Variants in CBLC observed in about 807,000 individuals in gnomAD.
CBLC encodes the protein E3 ubiquitin-protein ligase CBL-C.
CBLC carries 46 observed loss-of-function variants against 58.6 expected under a neutral mutation model. The ratio of observed to expected loss-of-function variants is 0.79; its 90% CI spans 0.62 to 1.00. The LOEUF is 1.00. CBLC is among the 50% of genes least tolerant of loss of function. The probability of loss-of-function intolerance (pLI) is 0.00; values close to 1 mark genes in which losing one functional copy is unlikely to be tolerated. For synonymous variants in CBLC, 271 were observed against 264.2 expected (o/e 1.03, Z -0.25); for missense variants, 655 against 625.8 (o/e 1.05, Z -0.50).
chr19:44,778,310 C>T, intron 1 of CBLC, 26 bp downstream of exon 1: 5 of 1,405,044 alleles, frequency 3.6e-6, no homozygotes, highest in Non-Finnish European at 4.6e-6. Context: ...AGAACAAAGT[C>T]CTCTGGGGTG....
chr19:44,792,366 A>C lies in CBLC; in HGVS notation c.1006-17A>C. 1.9e-6 allele frequency: 3 copies of C among 1,612,572 alleles called. No individual in the cohort carries two copies. The highest frequency in any genetic ancestry group is 2.5e-6 in the Non-Finnish European group (3 of 1,179,750). ...ACGCATGCCCCTCGCTGTCTTCTCT[A>C]TCCTCTCACCTGCCAGGAGCAGCTG... On this transcript the variant is annotated splice_polypyrimidine_tract_variant and intron_variant, in intron 6 of 10. Transcript: ENST00000647358.
chr19:44,785,579 G>T (rs1353124068), intron 5 of CBLC, among the ~76,000 whole-genome samples: 1 of 151,990 alleles, frequency 6.6e-6, no homozygotes, highest in Non-Finnish European at 1.5e-5. Context: ...TAGATAGGCA[G>T]ATAGGTAGAT....
chr19:44,782,754 T>A (rs1967784090), intron 4 of CBLC, among the ~76,000 whole-genome samples: 1 of 152,118 alleles, frequency 6.6e-6, no homozygotes, highest in Non-Finnish European at 1.5e-5. Flanking sequence ...CGCTTGAGGG[T>A]AAGGTCCGTT....
intron 5 of CBLC, 63 bp downstream of exon 5, chr19:44,784,464 T>C: frequency 1.4e-6 from 2 of 1,474,214 alleles, no homozygotes; most frequent in South Asian, 2.6e-5. Flanking sequence ...ATCTTGCATG[T>C]TGTGCACTGC....
rs1968079066 is a variant in CBLC at position 44,792,456 on chromosome 19, A to T, written c.1079A>T (p.Asp360Val). The change falls in exon 7 of 11, where the codon GAT becomes GTT. Residue 360 changes from aspartate (D) to valine (V), a missense_variant. Around this residue, in one of 3 missense-constraint regions of CBLC, gnomAD observed 371 missense variants for 370.8 expected, o/e 1.00. Coordinates refer to ENST00000647358, the MANE Select transcript of CBLC (RefSeq NM_012116.4). ...LCKICAESNK[D>V]VKIEPCGHLL... ...AAGATCTGTGCTGAGAGCAACAAGG[A>T]TGTGAAGATTGAGCCGTGCGGGCAC... The T allele has an allele frequency of 1.2e-6, 2 of 1,613,010 alleles. No individual in the cohort carries two copies. Among genetic ancestry groups the T allele is most frequent in the African/African-American group, 1.3e-5 (1 of 74,858 alleles).
At chr19:44,794,820 T>A (rs1259662930) in intron 9 of CBLC, among the ~76,000 whole-genome samples, 1 of 152,012 alleles carries the variant, frequency 6.6e-6, no homozygotes, top group African/African-American at 2.4e-5. Context: ...TCGGGGCCTT[T>A]GCATAAGCTG....
At chr19:44,785,535 GATA>G (rs1473299403) in intron 5 of CBLC, among the ~76,000 whole-genome samples, 38 of 14,536 alleles carry the variant, frequency 2.6e-3, no homozygotes, top group African/African-American at 0.011. Context: ...CAGATAGGTA[GATA>G]GATAGATAGA....
intron 9 of CBLC, among the ~76,000 whole-genome samples, chr19:44,795,497 A>C (rs1968159923): frequency 6.6e-6 from 1 of 151,946 alleles, no homozygotes; most frequent in Non-Finnish European, 1.5e-5. Context: ...AGCCTGGGCA[A>C]CAGAATGAGA....
chr19:44,800,296 TA>T, intron 9 of CBLC, 84 bp from the exon 10 acceptor site: 1 of 989,658 alleles, frequency 1.0e-6, no homozygotes, highest in Non-Finnish European at 1.6e-6. Flanking sequence ...CTCCCAGGTC[TA>T]AGACAAAGGG....
intron 3 of CBLC, 97 bp downstream of exon 3, chr19:44,781,460 C>T: frequency 8.5e-7 from 1 of 1,179,478 alleles, no homozygotes; most frequent in Non-Finnish European, 1.2e-6. Context: ...AGGGCCGGGA[C>T]CTGGACTCCT....
chr19:44,782,411 C>A lies in CBLC; in HGVS notation c.699C>A (p.Val233=). ...TCAAGAACTGGCAGCTCCTGGCAGT[C>A]AACCACCCAGGCTACATGGCCTTCC... is the stretch of plus-strand genomic sequence containing the variant. The part of the protein sequence containing the change: ...TLLKNWQLLA[V]NHPGYMAFLT... The change falls in exon 4 of 11, where the codon GTC becomes GTA. Residue 233 remains valine, a synonymous_variant. Transcript: ENST00000647358. 6.2e-7 allele frequency: 1 copy of A among 1,613,724 alleles called. No individual in the cohort carries two copies. The highest frequency in any genetic ancestry group is 1.1e-5 in the South Asian group (1 of 91,062).
intron 5 of CBLC, among the ~76,000 whole-genome samples, chr19:44,785,024 T>G (rs991373177): frequency 7.7e-6 from 1 of 129,908 alleles, no homozygotes; most frequent in African/African-American, 2.9e-5. Flanking sequence ...CTGACTGGAG[T>G]GCAATGGCAT....
rs773422704 is a variant in CBLC, at chr19:44,794,250, C to A, written c.1331C>A (p.Pro444His). 1.2e-6 allele frequency: 2 copies of A among 1,612,990 alleles called. No individual in the cohort carries two copies. Among genetic ancestry groups the A allele is most frequent in the South Asian group, 1.1e-5 (1 of 90,966 alleles). ...TTGCCCCCACGGCCAGATCTGCCCC[C>A]CAGGAAGCCCAGAAATGCCCAGCCG... ...PPLPPRPDLP[P>H]RKPRNAQPKV... Residue 444 changes from proline (P) to histidine (H), a missense_variant, in exon 9 of 11, where the codon CCC becomes CAC. Transcript: ENST00000647358.
At chr19:44,778,934 C>T (rs992974452) in intron 1 of CBLC, among the ~76,000 whole-genome samples, 10 of 152,088 alleles carry the variant, frequency 6.6e-5, no homozygotes, top group Non-Finnish European at 1.5e-4. Flanking sequence ...GCCCCTCCTT[C>T]CTAAGGGAAC....
chr19:44,783,732 C>A (rs1967810547), intron 4 of CBLC, among the ~76,000 whole-genome samples: 1 of 152,146 alleles, frequency 6.6e-6, no homozygotes, highest in Admixed American at 6.6e-5. Context: ...GTTTCAGGCA[C>A]AGCTAGATCC....
At chr19:44,786,964 A>G (rs1269981156) in intron 5 of CBLC, among the ~76,000 whole-genome samples, 2 of 152,022 alleles carry the variant, frequency 1.3e-5, no homozygotes, top group Non-Finnish European at 2.9e-5. Context: ...GTGTATGCCT[A>G]TAATCCCAGC....
chr19:44,778,065 G>C lies in CBLC; in HGVS notation c.134G>C (p.Arg45Pro). 6.2e-7 allele frequency: 1 copy of C among 1,608,614 alleles called. No homozygotes were observed. The highest frequency in any genetic ancestry group is 1.1e-5 in the South Asian group (1 of 91,050). The change falls in exon 1 of 11, where the codon CGG becomes CCG. Residue 45 changes from arginine to proline, a missense_variant. By Grantham distance (103) the Arg-to-Pro change is moderately radical (BLOSUM62 -2). This residue lies in a region of CBLC where 280 missense variants were observed against 237.2 expected (regional missense o/e 1.18). Coordinates refer to ENST00000647358, the MANE Select transcript of CBLC (RefSeq NM_012116.4). ...PRLSVSPPSL[R>P]DLLPRTAQLL... ...CTGTCCGTGAGTCCCCCTTCGCTGC[G>C]GGACCTGCTGCCCCGCACAGCGCAG...
chr19:44,785,575 G>A (rs1217960111), intron 5 of CBLC, among the ~76,000 whole-genome samples: 1 of 151,414 alleles, frequency 6.6e-6, no homozygotes, highest in Non-Finnish European at 1.5e-5. Flanking sequence ...TAGATAGATA[G>A]GCAGATAGGT....
chr19:44,799,285 T>C (rs572588545), intron 9 of CBLC, among the ~76,000 whole-genome samples: 4 of 152,296 alleles, frequency 2.6e-5, no homozygotes, highest in African/African-American at 9.6e-5. Flanking sequence ...TGCAGTGAGC[T>C]ATGGTCCCAT....
Sources: allele counts gnomAD v4.1 joint callset (sites outside exome capture counted in the v4.1 genomes callset), GRCh38; gene constraint gnomAD v4.1.1; regional missense constraint gnomAD v4.1.1; transcripts MANE v1.5; gene names NCBI Gene and HGNC (gene_info 2026-07-23, HGNC 2026-07-21).